Variants in GPC5 observed in about 807,000 individuals in gnomAD.
The protein encoded by GPC5 is glypican-5.
GPC5 carries 47 observed loss-of-function variants against 53.9 expected under a neutral mutation model. The observed-to-expected ratio is 0.87, with a 90% confidence interval of 0.69 to 1.11. The LOEUF is 1.11. GPC5 is among the 50% of genes most tolerant of loss of function. The pLI, the probability that GPC5 is intolerant of heterozygous loss-of-function variation, is 0.00. For synonymous variants in GPC5, 286 were observed against 263.3 expected, an observed-to-expected ratio of 1.09 and a Z score of -0.84; for missense variants, 748 against 713.1, an observed-to-expected ratio of 1.05 and a Z score of -0.56.
intron 1 of GPC5, among the ~76,000 whole-genome samples, chr13:91,444,678 T>G (rs1188498802): frequency 6.6e-6 from 1 of 152,190 alleles, no homozygotes; most frequent in Non-Finnish European, 1.5e-5. Context: ...TTCTGTTGAA[T>G]TTTGATTTCA....
At chr13:92,361,518 A>T (rs2043566790) in intron 7 of GPC5, among the ~76,000 whole-genome samples, 1 of 151,710 alleles carries the variant, frequency 6.6e-6, no homozygotes, top group South Asian at 2.1e-4. Flanking sequence ...AGAGAGCATG[A>T]GTTGAGCGGG....
chr13:91,398,782 C>T lies in GPC5; in HGVS notation c.-265C>T. ...GCGGCTCCACTAGTTTTCTTCGCCC[C>T]GCCCAGCCGCCCACTCTTCTCGGCT... On this transcript the variant is annotated 5_prime_UTR_variant, in exon 1 of 8. Coordinates refer to ENST00000377067, the MANE Select transcript of GPC5 (RefSeq NM_004466.6). 2.4e-6 allele frequency: 1 copy of T among 408,740 alleles called. No individual in the cohort carries two copies. The highest frequency in any genetic ancestry group is 4.3e-6 in the Non-Finnish European group (1 of 231,022). The allele number at this position is 408,740 out of a possible 1,614,324, so 25.3% of individuals were successfully genotyped here. A position where few individuals can be genotyped will look rare whatever the true frequency, so the allele number is the denominator to read the frequency against.
At chr13:92,366,435 A>G (rs1220999969) in intron 7 of GPC5, among the ~76,000 whole-genome samples, 1 of 151,786 alleles carries the variant, frequency 6.6e-6, no homozygotes, top group Non-Finnish European at 1.5e-5. Flanking sequence ...GATCCCTCAT[A>G]CATAACTTTG....
intron 7 of GPC5, among the ~76,000 whole-genome samples, chr13:92,692,435 T>C (rs1401595929): frequency 6.6e-6 from 1 of 151,404 alleles, no homozygotes; most frequent in Non-Finnish European, 1.5e-5. Context: ...CTCTTATTTC[T>C]TTGAGAAATC....
At chr13:92,718,417 A>T (rs1648746816) in intron 7 of GPC5, among the ~76,000 whole-genome samples, 1 of 152,144 alleles carries the variant, frequency 6.6e-6, no homozygotes, top group African/African-American at 2.4e-5. Context: ...ATGGAACTGG[A>T]GGATATTATG....
chr13:92,401,670 G>T (rs1252234863), intron 7 of GPC5, among the ~76,000 whole-genome samples: 1 of 152,044 alleles, frequency 6.6e-6, no homozygotes, highest in Non-Finnish European at 1.5e-5. Context: ...CTTTCTGGAA[G>T]TTATTTCATT....
intron 7 of GPC5, among the ~76,000 whole-genome samples, chr13:92,583,651 C>A (rs1233368253): frequency 6.6e-6 from 1 of 152,154 alleles, no homozygotes; most frequent in African/African-American, 2.4e-5. Context: ...GCCTGTGAAG[C>A]ACACATGCAG....
rs528290041 is a variant in GPC5 at position 92,766,641 on chromosome 13, C to T, written c.1562-99641C>T. On this transcript the variant is annotated intron_variant, in intron 7 of 7. Coordinates refer to ENST00000377067, the MANE Select transcript of GPC5 (RefSeq NM_004466.6). ...AGCTGTTATCAGATTCGGTATAAGA[C>T]ATATTAGTCAGACTTCCTTTTATCC... Among the ~76,000 whole-genome samples, 22 of 152,302 alleles carry T rather than the reference C, an allele frequency of 1.4e-4. No homozygotes were observed. The South Asian group carries it at 2.7e-3, about 19-fold the overall frequency.
intron 5 of GPC5, among the ~76,000 whole-genome samples, chr13:91,862,658 A>T (rs1446422255): frequency 6.6e-6 from 1 of 152,164 alleles, no homozygotes; most frequent in Non-Finnish European, 1.5e-5. Context: ...AACCTATTAC[A>T]GTAATATATG....
intron 7 of GPC5, among the ~76,000 whole-genome samples, chr13:92,601,562 A>G (rs12017096): frequency 5.7e-5 from 8 of 140,088 alleles, no homozygotes; most frequent in African/African-American, 2.2e-4. Context: ...CTCAAAAAAA[A>G]AAAAAAAAAA....
chr13:91,501,586 T>C (rs1400496569), intron 2 of GPC5, among the ~76,000 whole-genome samples: 1 of 152,238 alleles, frequency 6.6e-6, no homozygotes, highest in Admixed American at 6.5e-5. Context: ...CATCCTTTTC[T>C]GTGGCTGCAT....
At chr13:91,882,816 G>A (rs144406946) in intron 5 of GPC5, among the ~76,000 whole-genome samples, 2,478 of 151,342 alleles carry the variant, frequency 0.016, 36 homozygotes, top group African/African-American at 0.041. Context: ...TAAATATTAG[G>A]CTGGTGCAAA....
chr13:92,579,893 A>G (rs1018787078), intron 7 of GPC5, among the ~76,000 whole-genome samples: 6 of 152,054 alleles, frequency 3.9e-5, no homozygotes, highest in African/African-American at 1.4e-4. Flanking sequence ...TATGCTTAAC[A>G]TTCTTAGCAG....
chr13:92,485,400 T>C (rs1228204401), intron 7 of GPC5, among the ~76,000 whole-genome samples: 1 of 152,158 alleles, frequency 6.6e-6, no homozygotes, highest in Non-Finnish European at 1.5e-5. Context: ...GAGTGCAAAC[T>C]AAAGGCATAG....
chr13:91,858,667 T>C (rs181502011), intron 5 of GPC5, among the ~76,000 whole-genome samples: 2 of 152,076 alleles, frequency 1.3e-5, no homozygotes, highest in South Asian at 2.1e-4. Flanking sequence ...AATAATGGCC[T>C]TGTAGAACGA....
At chr13:92,350,252 A>G (rs574740791) in intron 7 of GPC5, among the ~76,000 whole-genome samples, 43 of 152,236 alleles carry the variant, frequency 2.8e-4, no homozygotes, top group Non-Finnish European at 5.1e-4. Flanking sequence ...TTAAGGCCAT[A>G]TATGAGAAGT....
At chr13:92,617,768 T>A (rs1884741786) in intron 7 of GPC5, among the ~76,000 whole-genome samples, 1 of 152,222 alleles carries the variant, frequency 6.6e-6, no homozygotes, top group Admixed American at 6.5e-5. Context: ...ATTACTACAC[T>A]TTTCAAGAGT....
intron 5 of GPC5, among the ~76,000 whole-genome samples, chr13:91,787,609 G>T (rs2037899489): frequency 6.6e-6 from 1 of 152,176 alleles, no homozygotes; most frequent in South Asian, 2.1e-4. Context: ...GGGATGTAAA[G>T]AGGCAAGACA....
chr13:92,285,960 A>G (rs925542867), intron 7 of GPC5, among the ~76,000 whole-genome samples: 2 of 152,158 alleles, frequency 1.3e-5, no homozygotes, highest in Admixed American at 6.5e-5. Context: ...CAGGCAACCT[A>G]CAGAATGGGA....
Sources: allele counts gnomAD v4.1 joint callset (sites outside exome capture counted in the v4.1 genomes callset), GRCh38; gene constraint gnomAD v4.1.1; transcripts MANE v1.5; gene names NCBI Gene and HGNC (gene_info 2026-07-23, HGNC 2026-07-21).